CPNE8: variants seen among roughly 807,000 people sequenced by gnomAD.
The protein encoded by CPNE8 is copine-8.
CPNE8 carries 45 observed loss-of-function variants against 81.5 expected under a neutral mutation model. The ratio of observed to expected loss-of-function variants is 0.55; its 90% CI spans 0.44 to 0.71. CPNE8 has a LOEUF of 0.71. Ranked by LOEUF, CPNE8 falls within the 30% of genes least tolerant of loss-of-function variation. The probability of loss-of-function intolerance (pLI) is 0.00; values close to 1 mark genes in which losing one functional copy is unlikely to be tolerated. For synonymous variants in CPNE8, 252 were observed against 226.3 expected (o/e 1.11, Z -1.02); for missense variants, 594 against 672.1 (o/e 0.88, Z 1.28).
chr12:38,887,530 T>C (rs988731762), intron 1 of CPNE8, among the ~76,000 whole-genome samples: 2 of 151,300 alleles, frequency 1.3e-5, no homozygotes, highest in African/African-American at 2.4e-5. Context: ...CATAATTTGA[T>C]TTTTTTTTGC....
intron 6 of CPNE8, among the ~76,000 whole-genome samples, chr12:38,788,860 C>A (rs1034885914): frequency 3.3e-5 from 5 of 151,050 alleles, no homozygotes. Flanking sequence ...TTTACAGTAG[C>A]CACAAAAAAA....
At chr12:38,903,749 G>T (rs919245057) in intron 1 of CPNE8, among the ~76,000 whole-genome samples, 1 of 152,076 alleles carries the variant, frequency 6.6e-6, no homozygotes, top group Non-Finnish European at 1.5e-5. Flanking sequence ...CTCTAACATC[G>T]AAAGCAAGCT....
intron 3 of CPNE8, among the ~76,000 whole-genome samples, chr12:38,865,053 C>T (rs2137088819): frequency 6.6e-6 from 1 of 152,242 alleles, no homozygotes; most frequent in African/African-American, 2.4e-5. Flanking sequence ...GCCAAATGGT[C>T]ATTAAGCCTA....
intron 1 of CPNE8, among the ~76,000 whole-genome samples, chr12:38,881,299 G>A (rs1944154775): frequency 1.3e-5 from 2 of 152,050 alleles, no homozygotes; most frequent in Non-Finnish European, 2.9e-5. Flanking sequence ...AATTCTGAAG[G>A]ATAGGGTCAT....
chr12:38,790,904 A>G (rs904372067), intron 6 of CPNE8, among the ~76,000 whole-genome samples: 1 of 151,548 alleles, frequency 6.6e-6, no homozygotes, highest in East Asian at 1.9e-4. Context: ...AACATTCTCC[A>G]TATCTCTTAC....
At chr12:38,710,930 T>G (rs1424459655) in intron 13 of CPNE8, among the ~76,000 whole-genome samples, 2 of 152,202 alleles carry the variant, frequency 1.3e-5, no homozygotes, top group Non-Finnish European at 2.9e-5. Flanking sequence ...AGCTACTGTT[T>G]TTTTGTATTT....
intron 4 of CPNE8, among the ~76,000 whole-genome samples, chr12:38,844,088 T>C (rs1018632734): frequency 6.6e-6 from 1 of 152,160 alleles, no homozygotes; most frequent in Non-Finnish European, 1.5e-5. Flanking sequence ...AAACAACTTA[T>C]TTTTCCTCAA....
chr12:38,807,525 G>T (rs941700795), intron 6 of CPNE8, among the ~76,000 whole-genome samples: 1 of 150,078 alleles, frequency 6.7e-6, no homozygotes, highest in African/African-American at 2.4e-5. Context: ...TTAATAAATT[G>T]TGCTGGGAAA....
At chr12:38,861,423 A>C (rs151209115) in intron 3 of CPNE8, among the ~76,000 whole-genome samples, 10 of 152,280 alleles carry the variant, frequency 6.6e-5, no homozygotes, top group Admixed American at 5.9e-4. Context: ...AACGAATATT[A>C]AAAACGACTT....
At chr12:38,702,985 C>A in intron 13 of CPNE8, 64 bp from the exon 14 acceptor site, 1 of 1,130,956 alleles carries the variant, frequency 8.8e-7, no homozygotes, top group South Asian at 1.6e-5. Context: ...GTTTCTTTTC[C>A]ATTTCGGTTA....
chr12:38,668,170 A>G (rs1225502290), intron 19 of CPNE8, among the ~76,000 whole-genome samples: 1 of 152,186 alleles, frequency 6.6e-6, no homozygotes, highest in African/African-American at 2.4e-5. Flanking sequence ...GGTAAGTAAC[A>G]AAGTATTTTA....
intron 14 of CPNE8, among the ~76,000 whole-genome samples, chr12:38,695,352 A>AAC (rs1939769711): frequency 2.0e-5 from 3 of 152,188 alleles, no homozygotes; most frequent in South Asian, 4.1e-4. Context: ...CCAATTAGCA[A>AAC]ACAGAGATGG....
intron 19 of CPNE8, among the ~76,000 whole-genome samples, chr12:38,669,544 G>C (rs1265873169): frequency 6.6e-6 from 1 of 152,174 alleles, no homozygotes; most frequent in Non-Finnish European, 1.5e-5. Flanking sequence ...AATTCTATAT[G>C]ATCCCTGATA....
intron 16 of CPNE8, among the ~76,000 whole-genome samples, chr12:38,684,054 C>A (rs921821841): frequency 6.6e-5 from 10 of 152,006 alleles, no homozygotes; most frequent in African/African-American, 2.4e-4. Flanking sequence ...TGAGTTCATA[C>A]AAAAGAATTC....
intron 1 of CPNE8, among the ~76,000 whole-genome samples, chr12:38,882,788 A>G (rs755409119): frequency 6.6e-6 from 1 of 152,122 alleles, no homozygotes; most frequent in Non-Finnish European, 1.5e-5. Flanking sequence ...TATCCATATT[A>G]TTTCTTACAG....
At chr12:38,720,450 G>A (rs1940532043) in intron 13 of CPNE8, among the ~76,000 whole-genome samples, 1 of 152,164 alleles carries the variant, frequency 6.6e-6, no homozygotes, top group African/African-American at 2.4e-5. Context: ...CTGACCGAAC[G>A]TACTGGATAT....
chr12:38,792,011 TAAA>T lies in CPNE8; in HGVS notation c.408-15713_408-15711del, dbSNP rs567385045. 9.0e-4 allele frequency among the ~76,000 whole-genome samples: 126 copies of T among 139,986 alleles called. No individual in the cohort carries two copies. The East Asian group carries it at 9.3e-3, about 10-fold the overall frequency. 91.8% of individuals were successfully genotyped at this position (139,986 alleles called of 152,430 possible). On this transcript the variant is annotated intron_variant, in intron 6 of 19. Transcript: ENST00000331366. ...TCAAAGAGGAGACCATAGGAGAAAT[TAAA>T]AAAAAAAAAACTTGAGACAAATGAA...
At chr12:38,682,018 GAGACC>G (rs1239506660) in intron 16 of CPNE8, among the ~76,000 whole-genome samples, 2 of 150,796 alleles carry the variant, frequency 1.3e-5, no homozygotes, top group Non-Finnish European at 2.9e-5. Flanking sequence ...CCAGGAGTTG[GAGACC>G]AGCCTGGCCA....
At chr12:38,807,320 C>T (rs1296633124) in intron 6 of CPNE8, among the ~76,000 whole-genome samples, 1 of 147,626 alleles carries the variant, frequency 6.8e-6, no homozygotes, top group Non-Finnish European at 1.5e-5. Flanking sequence ...AAGAACAAAG[C>T]TGGAGGCATC....
Sources: allele counts gnomAD v4.1 joint callset (sites outside exome capture counted in the v4.1 genomes callset), GRCh38; gene constraint gnomAD v4.1.1; transcripts MANE v1.5; gene names NCBI Gene and HGNC (gene_info 2026-07-23, HGNC 2026-07-21).